GALNT17: variants seen among roughly 807,000 people sequenced by gnomAD.
GALNT17 encodes UDP-GalNAc:polypeptide N-acetylgalactosaminyltransferase-like 3.
Under a neutral mutation model 63.7 loss-of-function variants are expected in GALNT17, and 29 were observed. The ratio of observed to expected loss-of-function variants is 0.46; its 90% confidence interval spans 0.34 to 0.62. The LOEUF (loss-of-function observed/expected upper bound fraction) is 0.62. GALNT17 is among the 20% of genes least tolerant of loss of function. The pLI, the probability that GALNT17 is intolerant of heterozygous loss-of-function variation, is 0.01. For missense variants in GALNT17, 603 were observed against 799.6 expected (o/e 0.75, Z 2.97); for synonymous variants, 305 against 318.3 (o/e 0.96, Z 0.45).
intron 2 of GALNT17, among the ~76,000 whole-genome samples, chr7:71,349,274 A>G (rs1468562299): frequency 1.3e-5 from 2 of 152,168 alleles, no homozygotes; most frequent in Non-Finnish European, 2.9e-5. Context: ...CTGGGGTTAT[A>G]AATCAGGCTT....
intron 3 of GALNT17, among the ~76,000 whole-genome samples, chr7:71,389,020 A>G (rs1000385955): frequency 2.6e-5 from 4 of 152,132 alleles, no homozygotes; most frequent in Non-Finnish European, 5.9e-5. Context: ...CTGCTCCCCA[A>G]TGCTGGAATT....
At chr7:71,530,753 A>G (rs1015720561) in intron 5 of GALNT17, among the ~76,000 whole-genome samples, 1 of 151,952 alleles carries the variant, frequency 6.6e-6, no homozygotes, top group Non-Finnish European at 1.5e-5. Flanking sequence ...ATTTTTTAGT[A>G]GAGACGGGGT....
intron 1 of GALNT17, among the ~76,000 whole-genome samples, chr7:71,173,701 AG>A (rs148015477): frequency 0.026 from 4,008 of 152,220 alleles, 105 homozygotes; most frequent in African/African-American, 0.073. Context: ...TGAACCTGGG[AG>A]GCGGAGGTTG....
chr7:71,688,356 C>G (rs903834713), intron 9 of GALNT17, among the ~76,000 whole-genome samples: 4 of 152,148 alleles, frequency 2.6e-5, no homozygotes, highest in African/African-American at 9.7e-5. Flanking sequence ...CTGGGCCCTG[C>G]GTCCATCAGC....
At chr7:71,392,917 T>C (rs1389529051) in intron 3 of GALNT17, among the ~76,000 whole-genome samples, 1 of 152,220 alleles carries the variant, frequency 6.6e-6, no homozygotes, top group Non-Finnish European at 1.5e-5. Context: ...TTATCGAGTT[T>C]TGTAAATGTT....
In GALNT17 at chr7:71,156,029, T is replaced by C. The variant is rs374297548; in HGVS notation, c.238+22989T>C. Among the ~76,000 whole-genome samples, 187 of 151,814 alleles carry C rather than the reference T, an allele frequency of 1.2e-3. 4 individuals carry two copies. Among genetic ancestry groups the C allele is most frequent in the African/African-American group, 4.4e-3 (181 of 41,170 alleles). On this transcript the variant is annotated intron_variant, in intron 1 of 10. Transcript: ENST00000333538. ...TTGTCCAACATGGAGAAACCCTGTG[T>C]CTACTAAAAATACAAAATTAGCCAG...
chr7:71,509,495 C>T (rs532062929), intron 5 of GALNT17, among the ~76,000 whole-genome samples: 21 of 152,326 alleles, frequency 1.4e-4, no homozygotes, highest in Admixed American at 5.2e-4. Flanking sequence ...CTCATTTAAT[C>T]CTCACAAGTA....
chr7:71,268,549 C>CAATAAATA lies in GALNT17; in HGVS notation c.239-66964_239-66957dup, dbSNP rs3061640. On this transcript the variant is annotated intron_variant, in intron 1 of 10. Transcript: ENST00000333538. ...CTGGGCAACAGAATGAGATCCATCT[C>CAATAAATA]AATAAATAAATAAATAAATAAATAA... Among the ~76,000 whole-genome samples the CAATAAATA allele has an allele frequency of 3.6e-3, 491 of 135,308 alleles. 3 individuals carry two copies. The highest frequency in any genetic ancestry group is 8.8e-3 in the South Asian group (34 of 3,884). The allele number at this position is 135,308 out of a possible 152,430, so 88.8% of individuals were successfully genotyped here. A position where few individuals can be genotyped will look rare whatever the true frequency, so the allele number is the denominator to read the frequency against.
intron 6 of GALNT17, among the ~76,000 whole-genome samples, chr7:71,647,768 G>T (rs1338075729): frequency 6.6e-6 from 1 of 152,182 alleles, no homozygotes; most frequent in Non-Finnish European, 1.5e-5. Context: ...GACACCACCT[G>T]ACAGCAGTTC....
In GALNT17 at chr7:71,544,422, G is replaced by A. The variant is rs955119284; in HGVS notation, c.963-26863G>A. ...CTCCCAAAGTGCTGGGATTACAGGC[G>A]TGAGCCACCACACCCGGCCAAGGCA... On this transcript the variant is annotated intron_variant, in intron 5 of 10. Transcript: ENST00000333538. 5.9e-5 allele frequency among the ~76,000 whole-genome samples: 9 copies of A among 151,790 alleles called. No individual in the cohort carries two copies. The South Asian group carries it at 8.3e-4, about 14-fold the overall frequency.
rs369561035 is a variant in GALNT17 at position 71,710,756 on chromosome 7, G to C, written c.1501-5G>C. ...CATTCCCCTGCTGCTCTGGTCTCTC[G>C]ACAGCTTGCCCGCTACACCAAGGAA... On this transcript the variant is annotated splice_polypyrimidine_tract_variant and splice_region_variant and intron_variant, in intron 9 of 10. Coordinates refer to ENST00000333538, the MANE Select transcript of GALNT17 (RefSeq NM_022479.3). The C allele has an allele frequency of 4.2e-5, 68 of 1,611,284 alleles. 1 individual carries two copies. The South Asian group carries it at 6.4e-4, about 15-fold the overall frequency.
intron 5 of GALNT17, among the ~76,000 whole-genome samples, chr7:71,532,301 C>G (rs570136544): frequency 6.6e-6 from 1 of 152,236 alleles, no homozygotes; most frequent in South Asian, 2.1e-4. Context: ...AATATATAAT[C>G]AGGCACAAGG....
intron 1 of GALNT17, among the ~76,000 whole-genome samples, chr7:71,227,966 G>T (rs538042630): frequency 2.0e-4 from 31 of 152,234 alleles, no homozygotes; most frequent in African/African-American, 7.2e-4. Context: ...CTCATCAGAT[G>T]CCTTCTTCCC....
intron 1 of GALNT17, among the ~76,000 whole-genome samples, chr7:71,163,123 G>A (rs1788378079): frequency 6.6e-6 from 1 of 152,182 alleles, no homozygotes; most frequent in South Asian, 2.1e-4. Context: ...TGGATATGAG[G>A]TATAAGAGAA....
intron 6 of GALNT17, among the ~76,000 whole-genome samples, chr7:71,651,588 C>A (rs1024656116): frequency 6.6e-6 from 1 of 152,244 alleles, no homozygotes; most frequent in Admixed American, 6.5e-5. Context: ...TAGGCGTGAG[C>A]CACTGCACCC....
At position 71,296,719 on chromosome 7, in the gene GALNT17, T is replaced by G. The variant is rs1238781263; in HGVS notation, c.239-38831T>G. ...TAAGAACCAAGAAAAAAAAAACGTG[T>G]TTTTTTTTAGACAGGGTATATGTAT... On this transcript the variant is annotated intron_variant, in intron 1 of 10. Transcript: ENST00000333538. Among the ~76,000 whole-genome samples the G allele has an allele frequency of 4.0e-5, 6 of 150,856 alleles. No individual in the cohort carries two copies. In the South Asian group the frequency reaches 6.3e-4, roughly 16 times the overall value.
At chr7:71,308,240 G>C (rs75518538) in intron 1 of GALNT17, among the ~76,000 whole-genome samples, 1 of 152,148 alleles carries the variant, frequency 6.6e-6, no homozygotes, top group African/African-American at 2.4e-5. Flanking sequence ...GAAGAAAGAA[G>C]CATTGGATTG....
chr7:71,319,429 A>G (rs556623941), intron 1 of GALNT17, among the ~76,000 whole-genome samples: 16 of 151,786 alleles, frequency 1.1e-4, no homozygotes, highest in East Asian at 1.9e-4. Context: ...TTCTGATTCT[A>G]TCAGTTGGTG....
intron 9 of GALNT17, among the ~76,000 whole-genome samples, chr7:71,698,232 G>T (rs999522971): frequency 6.6e-6 from 1 of 151,974 alleles, no homozygotes; most frequent in Non-Finnish European, 1.5e-5. Context: ...AAATCTGACA[G>T]TGTGTCTGTC....
Sources: gnomAD v4.1 joint callset for allele counts (sites outside exome capture counted in the v4.1 genomes callset) on GRCh38, gnomAD v4.1.1 for gene constraint, MANE v1.5 for transcripts, NCBI Gene and HGNC (gene_info 2026-07-23, HGNC 2026-07-21) for gene names.